Variants in STAM2 observed in about 807,000 individuals in gnomAD.
STAM2 encodes signal transducing adapter molecule 2.
A neutral mutation model predicts 65.6 loss-of-function variants in STAM2; 51 were observed. The observed-to-expected ratio is 0.78, with a 90% CI of 0.62 to 0.98. The LOEUF (loss-of-function observed/expected upper bound fraction) is 0.98, where lower values mean the gene tolerates loss of function less well. Ranked by LOEUF, STAM2 falls within the 50% of genes least tolerant of loss-of-function variation. The pLI is 0.00. For missense variants in STAM2, 584 were observed against 617.8 expected (o/e 0.95, Z 0.58); for synonymous variants, 198 against 208.4 (o/e 0.95, Z 0.43).
rs897329996 is a variant in STAM2, at chr2:152,175,701, C to T, written c.-59G>A. On this transcript the variant is annotated 5_prime_UTR_variant, in exon 1 of 14. Coordinates refer to ENST00000263904, the MANE Select transcript of STAM2 (RefSeq NM_005843.6). ...TAGCTGACACTCAGCAACTGCTACC[C>T]GCCGGGTGACCCGCGGCCGCGGCTC... 4 of 1,567,814 alleles carry T rather than the reference C, an allele frequency of 2.6e-6. No homozygotes were observed. The highest frequency in any genetic ancestry group is 3.5e-6 in the Non-Finnish European group (4 of 1,155,964).
intron 1 of STAM2, among the ~76,000 whole-genome samples, chr2:152,169,186 C>T (rs1048147842): frequency 6.6e-6 from 1 of 152,172 alleles, no homozygotes; most frequent in Non-Finnish European, 1.5e-5. Context: ...AGATTTGTAA[C>T]ATACATACCC....
rs371308841 is a variant in STAM2 at position 152,175,557 on chromosome 2, T to C, written c.40+46A>G. 9.3e-6 allele frequency: 15 copies of C among 1,612,812 alleles called. No individual in the cohort carries two copies. The African/African-American group carries it at 1.9e-4, about 20-fold the overall frequency. ...CACTTTCTAGCCGGACAAACAGCAGTCCAGGGCCAGGCACACAGCAGTCCA... is the reference window on the plus strand; with the variant it reads ...CACTTTCTAGCCGGACAAACAGCAGCCCAGGGCCAGGCACACAGCAGTCCA... On this transcript the variant is annotated intron_variant, in intron 1 of 13. Coordinates refer to ENST00000263904, the MANE Select transcript of STAM2 (RefSeq NM_005843.6).
intron 1 of STAM2, among the ~76,000 whole-genome samples, chr2:152,166,102 A>G (rs993284317): frequency 1.3e-5 from 2 of 152,046 alleles, no homozygotes; most frequent in South Asian, 4.2e-4. Flanking sequence ...TGAACCTGGG[A>G]GGTGGAGGGT....
chr2:152,175,445 C>T (rs1010533120), intron 1 of STAM2, among the ~76,000 whole-genome samples, 158 bp downstream of exon 1: 2 of 152,214 alleles, frequency 1.3e-5, no homozygotes, highest in Admixed American at 1.3e-4. Context: ...GAGGTTGCCC[C>T]AGAAAAATCC....
At chr2:152,150,350 C>T (rs529197329) in intron 1 of STAM2, 121 bp from the exon 2 acceptor site, 3 of 555,168 alleles carry the variant, frequency 5.4e-6, no homozygotes, top group South Asian at 2.9e-5. Context: ...CTACAGACGA[C>T]CTTCAGAAGA....
chr2:152,120,910 G>C (rs543084676), intron 13 of STAM2, 108 bp from the exon 14 acceptor site: 1 of 760,254 alleles, frequency 1.3e-6, no homozygotes, highest in East Asian at 2.6e-5. Context: ...TTAAGCTTAC[G>C]TAGCTCTGCT....
At chr2:152,143,629 T>C (rs1485704733) in intron 7 of STAM2, among the ~76,000 whole-genome samples, 198 bp downstream of exon 7, 1 of 152,208 alleles carries the variant, frequency 6.6e-6, no homozygotes, top group African/African-American at 2.4e-5. Flanking sequence ...ATATAAATTA[T>C]CAAATATAAC....
In STAM2 at chr2:152,148,312, A is replaced by AAGAG; in HGVS notation, c.126-16_126-13dup. On this transcript the variant is annotated splice_polypyrimidine_tract_variant and intron_variant, in intron 2 of 13. Transcript: ENST00000263904. ...GGCAATCTTTCGCTCTAAAAAAAAA[A>AAGAG]AGAGAGAGAGAGACAGTTAAGTATT... 6.4e-7 allele frequency: 1 copy of AAGAG among 1,561,234 alleles called. No homozygotes were observed. The highest frequency in any genetic ancestry group is 8.7e-7 in the Non-Finnish European group (1 of 1,144,484).
At chr2:152,168,239 C>T (rs528853452) in intron 1 of STAM2, among the ~76,000 whole-genome samples, 8 of 152,164 alleles carry the variant, frequency 5.3e-5, no homozygotes, top group African/African-American at 1.9e-4. Context: ...TGGCTCACTG[C>T]AACCTCTGCC....
chr2:152,151,736 C>A (rs529760757), intron 1 of STAM2, among the ~76,000 whole-genome samples: 18 of 152,156 alleles, frequency 1.2e-4, no homozygotes, highest in Non-Finnish European at 4.4e-5. Context: ...TTACCTATTC[C>A]GGATTTTTCA....
At chr2:152,172,903 A>G (rs1461375405) in intron 1 of STAM2, among the ~76,000 whole-genome samples, 1 of 151,918 alleles carries the variant, frequency 6.6e-6, no homozygotes, top group East Asian at 1.9e-4. Flanking sequence ...AAAGGTGGGA[A>G]GGAGAGGATA....
At chr2:152,126,857 G>A (rs1398360640) in intron 11 of STAM2, among the ~76,000 whole-genome samples, 2 of 152,168 alleles carry the variant, frequency 1.3e-5, no homozygotes, top group Non-Finnish European at 1.5e-5. Flanking sequence ...ACTGTGGGCG[G>A]AGTCTTCATT....
At chr2:152,147,899 TATTTC>T (rs1171619064) in intron 4 of STAM2, 120 bp downstream of exon 4, 2 of 746,818 alleles carry the variant, frequency 2.7e-6, no homozygotes, top group East Asian at 2.7e-5. Flanking sequence ...CAGAACAGTT[TATTTC>T]ATTTCAATGA....
intron 1 of STAM2, among the ~76,000 whole-genome samples, chr2:152,172,635 G>A (rs987665340): frequency 6.6e-6 from 1 of 152,086 alleles, no homozygotes; most frequent in Admixed American, 6.6e-5. Context: ...TTGGGAGGCC[G>A]AGGCGGGCAG....
At chr2:152,123,112 T>C (rs1365150386) in intron 13 of STAM2, among the ~76,000 whole-genome samples, 4 of 150,854 alleles carry the variant, frequency 2.7e-5, no homozygotes, top group Non-Finnish European at 5.9e-5. Flanking sequence ...CTCACACCTA[T>C]AATCCCAGCA....
intron 11 of STAM2, chr2:152,131,738 T>C (rs1034172736): frequency 1.4e-5 from 3 of 219,780 alleles, no homozygotes; most frequent in Non-Finnish European, 2.7e-5. Context: ...TGCTATACAA[T>C]GTTGGCCAAA....
chr2:152,160,631 G>A (rs1414589096), intron 1 of STAM2, among the ~76,000 whole-genome samples: 17 of 149,948 alleles, frequency 1.1e-4, no homozygotes, highest in Admixed American at 6.6e-4. Context: ...CAGGCCAGCC[G>A]CCCCGTCCGG....
intron 11 of STAM2, among the ~76,000 whole-genome samples, chr2:152,129,890 A>T (rs530363558): frequency 6.6e-6 from 1 of 152,342 alleles, no homozygotes; most frequent in African/African-American, 2.4e-5. Context: ...TTTCTTTAGA[A>T]AACACAACAA....
chr2:152,145,051 G>T lies in STAM2; in HGVS notation c.448-94C>A, dbSNP rs1012914555. The stretch of plus-strand genomic sequence containing the variant: ...CAGATGGTAAATTTTAAAAAATACT[G>T]ATATAACTGAGTTTCATTTAAAAGT... On this transcript the variant is annotated intron_variant, in intron 5 of 13. Transcript: ENST00000263904. 7.4e-6 allele frequency: 7 copies of T among 947,232 alleles called. No individual in the cohort carries two copies. In the African/African-American group the frequency reaches 9.8e-5, roughly 13 times the overall value. 58.7% of individuals were successfully genotyped at this position (947,232 alleles called of 1,614,324 possible). A position where few individuals can be genotyped will look rare whatever the true frequency, so the allele number is the denominator to read the frequency against.
Sources: allele counts gnomAD v4.1 joint callset (sites outside exome capture counted in the v4.1 genomes callset), GRCh38; gene constraint gnomAD v4.1.1; transcripts MANE v1.5; gene names NCBI Gene and HGNC (gene_info 2026-07-23, HGNC 2026-07-21).